Variants in KCND2 observed in about 807,000 individuals in gnomAD.
KCND2 encodes A-type voltage-gated potassium channel KCND2.
In KCND2, 16 loss-of-function variants were observed where a neutral mutation model predicts 54.4. The ratio of observed to expected loss-of-function variants is 0.29; its 90% CI spans 0.20 to 0.45. The LOEUF (loss-of-function observed/expected upper bound fraction) is 0.45, where lower values mean the gene tolerates loss of function less well. Among genes scored for constraint, KCND2 ranks in the 20% least tolerant of loss-of-function variants. The pLI is 1.00. For missense variants in KCND2, 486 were observed against 824.2 expected, an observed-to-expected ratio of 0.59 and a Z score of 5.02; for synonymous variants, 317 against 310.7, an observed-to-expected ratio of 1.02 and a Z score of -0.21.
intron 1 of KCND2, among the ~76,000 whole-genome samples, chr7:120,350,699 A>G (rs1471700105): frequency 1.3e-5 from 2 of 152,170 alleles, no homozygotes; most frequent in Non-Finnish European, 2.9e-5. Flanking sequence ...TAGCACATCT[A>G]TGTTATTTCT....
chr7:120,635,532 A>G (rs1032497567), intron 1 of KCND2, among the ~76,000 whole-genome samples: 5 of 152,236 alleles, frequency 3.3e-5, no homozygotes, highest in Non-Finnish European at 7.3e-5. Flanking sequence ...TAAAAGATTG[A>G]AAGTACAACA....
chr7:120,558,440 C>T (rs1302815520), intron 1 of KCND2, among the ~76,000 whole-genome samples: 2 of 152,144 alleles, frequency 1.3e-5, no homozygotes, highest in Non-Finnish European at 2.9e-5. Flanking sequence ...AACACATCCT[C>T]ACCCTAACTG....
At chr7:120,402,077 C>T (rs10488290) in intron 1 of KCND2, among the ~76,000 whole-genome samples, 15,777 of 152,034 alleles carry the variant, frequency 0.1, 855 homozygotes, top group Admixed American at 0.13. Context: ...CTTTAACAAA[C>T]GGAAAATGAG....
At chr7:120,367,757 T>C (rs1423864779) in intron 1 of KCND2, among the ~76,000 whole-genome samples, 1 of 151,960 alleles carries the variant, frequency 6.6e-6, no homozygotes, top group Non-Finnish European at 1.5e-5. Flanking sequence ...GCTTGTAGTG[T>C]CAATTAGTTT....
intron 1 of KCND2, among the ~76,000 whole-genome samples, chr7:120,437,204 C>CTTTTTTT (rs66518858): frequency 0.054 from 6,986 of 129,978 alleles, 806 homozygotes; most frequent in East Asian, 0.47. Flanking sequence ...CAATATACAA[C>CTTTTTTT]TTTTTTTTTT....
intron 1 of KCND2, among the ~76,000 whole-genome samples, chr7:120,411,680 A>G (rs973858536): frequency 2.0e-5 from 3 of 152,002 alleles, no homozygotes; most frequent in Admixed American, 2.0e-4. Flanking sequence ...GAAAGAACAT[A>G]ACAACTAATA....
At chr7:120,567,161 TA>T (rs1792309301) in intron 1 of KCND2, among the ~76,000 whole-genome samples, 1 of 152,196 alleles carries the variant, frequency 6.6e-6, no homozygotes, top group Admixed American at 6.5e-5. Flanking sequence ...AAACTAACAC[TA>T]TTATTTTCCC....
rs1383910630 is a variant in KCND2 at position 120,317,498 on chromosome 7, A to G, written c.1115+41751A>G. 9.2e-5 allele frequency among the ~76,000 whole-genome samples: 14 copies of G among 152,140 alleles called. No individual in the cohort carries two copies. The East Asian group carries it at 2.7e-3, about 29-fold the overall frequency. ...CCAAAAAAGGAATGCATTTTTCTGT[A>G]TTCAGTGTGAATTATGTATCTTTTA... is the stretch of plus-strand genomic sequence containing the variant. On this transcript the variant is annotated intron_variant, in intron 1 of 5. Coordinates refer to ENST00000331113, the MANE Select transcript of KCND2 (RefSeq NM_012281.3).
chr7:120,277,607 G>A (rs750700950), intron 1 of KCND2, among the ~76,000 whole-genome samples: 2 of 151,952 alleles, frequency 1.3e-5, no homozygotes, highest in African/African-American at 4.8e-5. Flanking sequence ...GGTATAAAAA[G>A]AATGTTGATG....
intron 1 of KCND2, among the ~76,000 whole-genome samples, chr7:120,524,421 T>TA (rs1002826703): frequency 1.3e-5 from 2 of 152,290 alleles, no homozygotes; most frequent in Admixed American, 1.3e-4. Context: ...GATTCCATGC[T>TA]AACTTTTAAA....
chr7:120,378,628 T>C (rs1800869572), intron 1 of KCND2, among the ~76,000 whole-genome samples: 1 of 152,000 alleles, frequency 6.6e-6, no homozygotes. Flanking sequence ...AAACTACGTG[T>C]AAAGCAGGTT....
intron 2 of KCND2, among the ~76,000 whole-genome samples, chr7:120,734,738 G>A (rs1429318910): frequency 6.6e-6 from 1 of 152,060 alleles, no homozygotes; most frequent in Non-Finnish European, 1.5e-5. Flanking sequence ...TTTAAGGATA[G>A]TTTCATTTTT....
intron 1 of KCND2, among the ~76,000 whole-genome samples, chr7:120,567,079 GA>G (rs576183116): frequency 1.3e-5 from 2 of 151,618 alleles, no homozygotes; most frequent in African/African-American, 2.4e-5. Flanking sequence ...TTATTTGAAG[GA>G]AAAAAAACTC....
intron 1 of KCND2, among the ~76,000 whole-genome samples, chr7:120,304,580 T>C (rs992860110): frequency 6.6e-6 from 1 of 152,228 alleles, no homozygotes; most frequent in Non-Finnish European, 1.5e-5. Flanking sequence ...ATCTTCGTTT[T>C]AACGTGTACT....
chr7:120,350,522 T>G (rs982217200), intron 1 of KCND2, among the ~76,000 whole-genome samples: 1 of 152,128 alleles, frequency 6.6e-6, no homozygotes, highest in Non-Finnish European at 1.5e-5. Context: ...CTAATGGAAA[T>G]ACATTGCATT....
intron 1 of KCND2, among the ~76,000 whole-genome samples, chr7:120,628,459 A>G (rs1226298562): frequency 6.6e-6 from 1 of 152,086 alleles, no homozygotes; most frequent in African/African-American, 2.4e-5. Context: ...AGTTAGCTGC[A>G]ACACTGCCAA....
chr7:120,596,973 G>A (rs1316013182), intron 1 of KCND2, among the ~76,000 whole-genome samples: 3 of 152,168 alleles, frequency 2.0e-5, no homozygotes, highest in Admixed American at 2.0e-4. Flanking sequence ...ACTTAGACTT[G>A]AAGACACTAA....
At chr7:120,632,732 T>TGGGCATGGG in intron 1 of KCND2, among the ~76,000 whole-genome samples, 1 of 152,178 alleles carries the variant, frequency 6.6e-6, no homozygotes. Flanking sequence ...TTTTAACAGA[T>TGGGCATGGG]GAGGAAATGG....
intron 1 of KCND2, among the ~76,000 whole-genome samples, chr7:120,569,342 C>T (rs1270962474): frequency 6.6e-6 from 1 of 152,060 alleles, no homozygotes; most frequent in Non-Finnish European, 1.5e-5. Context: ...TTAATCATTG[C>T]CTCTGAAAAT....
Sources: gnomAD v4.1 joint callset for allele counts (sites outside exome capture counted in the v4.1 genomes callset) on GRCh38, gnomAD v4.1.1 for gene constraint, MANE v1.5 for transcripts, NCBI Gene and HGNC (gene_info 2026-07-23, HGNC 2026-07-21) for gene names.